HCRTR1: variants seen among roughly 807,000 people sequenced by gnomAD.
HCRTR1 encodes the protein hypocretin receptor 1.
A neutral mutation model predicts 40.6 loss-of-function variants in HCRTR1; 28 were observed. The observed-to-expected ratio is 0.69, with a 90% CI of 0.51 to 0.95. The LOEUF (loss-of-function observed/expected upper bound fraction) is 0.95, where lower values mean the gene tolerates loss of function less well. Ranked by LOEUF, HCRTR1 falls within the 40% of genes least tolerant of loss-of-function variation. The pLI, the probability that HCRTR1 is intolerant of heterozygous loss-of-function variation, is 0.00. For missense variants in HCRTR1, 482 were observed against 564.7 expected (o/e 0.85, Z 1.48); for synonymous variants, 209 against 230.0 (o/e 0.91, Z 0.83).
At chr1:31,633,312 C>A, downstream of HCRTR1, 1 of 1,610,720 alleles carries the variant, frequency 6.2e-7, no homozygotes, top group East Asian at 2.2e-5. Flanking sequence ...GGAGGGGCGC[C>A]ACCTGGAGGA....
downstream of HCRTR1, among the ~76,000 whole-genome samples, chr1:31,632,070 GA>G (rs1226744012): frequency 6.6e-6 from 1 of 152,210 alleles, no homozygotes; most frequent in East Asian, 1.9e-4. Flanking sequence ...CAAAAGTTGG[GA>G]AAGAAACTGT....
In HCRTR1 at chr1:31,617,779, G is replaced by T. The variant is rs1639762379; in HGVS notation, c.-306G>T. On this transcript the variant is annotated 5_prime_UTR_variant, in exon 1 of 9. Transcript: ENST00000403528. ...GGGGCTGCCCCGGCCCCCTCCTGCAGTCCCGGCCCCTAGAGGCTCGGCCTT... is the reference window on the plus strand; with the variant it reads ...GGGGCTGCCCCGGCCCCCTCCTGCATTCCCGGCCCCTAGAGGCTCGGCCTT... 1 of 152,130 alleles carries T rather than the reference G, an allele frequency of 6.6e-6. No homozygotes were observed. Among genetic ancestry groups the T allele is most frequent in the African/African-American group, 2.4e-5 (1 of 41,434 alleles). The allele number at this position is 152,130 out of a possible 1,614,324, so 9.4% of individuals were successfully genotyped here. A position where few individuals can be genotyped will look rare whatever the true frequency, so the allele number is the denominator to read the frequency against.
rs2148607087 is a variant in HCRTR1, at chr1:31,617,853, C to G, written c.-232C>G. The G allele has an allele frequency of 1.3e-5, 2 of 152,262 alleles. No individual in the cohort carries two copies. The highest frequency in any genetic ancestry group is 4.1e-4 in the South Asian group (2 of 4,832). The allele number at this position is 152,262 out of a possible 1,614,324, so 9.4% of individuals were successfully genotyped here. A position where few individuals can be genotyped will look rare whatever the true frequency, so the allele number is the denominator to read the frequency against. ...GGTGCCAGGTCCGGGGACCAGCAGC[C>G]GAGAACGCCCGGGTCCCGGAGCCAA... On this transcript the variant is annotated 5_prime_UTR_variant, in exon 1 of 9. Coordinates refer to ENST00000403528, the MANE Select transcript of HCRTR1 (RefSeq NM_001525.3).
In HCRTR1 at chr1:31,626,865, C is replaced by G. The variant is rs781659400; in HGVS notation, c.1163C>G (p.Ala388Gly). 1.9e-6 allele frequency: 3 copies of G among 1,614,072 alleles called. No homozygotes were observed. The Admixed American group carries it at 5.0e-5, about 27-fold the overall frequency. ...CTGGGTCCCTGCGGCTCTCTGAAGG[C>G]CCCTAGTCCCCGCTCCTCTGCCAGC... ...PGLGPCGSLKAPSPRSSASHK... is the reference protein window; with the variant it reads ...PGLGPCGSLKGPSPRSSASHK... The change falls in exon 9 of 9, where the codon GCC becomes GGC. Residue 388 changes from alanine to glycine, a missense_variant. Coordinates refer to ENST00000403528, the MANE Select transcript of HCRTR1 (RefSeq NM_001525.3). The surrounding 1 kb of genome is among the most constrained non-coding windows in gnomAD (Gnocchi z 4.6).
downstream of HCRTR1, among the ~76,000 whole-genome samples, chr1:31,629,243 ACAGT>A (rs1640033785): frequency 6.6e-6 from 1 of 152,174 alleles, no homozygotes; most frequent in South Asian, 2.1e-4. Context: ...GACCTGCAAA[ACAGT>A]CATAGTTACT....
At chr1:31,630,326 C>A, downstream of HCRTR1, 1 of 446,182 alleles carries the variant, frequency 2.2e-6, no homozygotes, top group Non-Finnish European at 4.2e-6. Flanking sequence ...ATTACAAGGA[C>A]CTGCTCCTGG....
downstream of HCRTR1, chr1:31,633,355 G>A (rs1640168629): frequency 6.4e-7 from 1 of 1,574,206 alleles, no homozygotes; most frequent in Non-Finnish European, 8.6e-7. Context: ...GAAATGCCAG[G>A]AAGGGCCAGC....
At position 31,621,092 on chromosome 1, in the gene HCRTR1, G is replaced by A; in HGVS notation, c.622+6G>A. On this transcript the variant is annotated splice_donor_region_variant and intron_variant, in intron 5 of 8. Coordinates refer to ENST00000403528, the MANE Select transcript of HCRTR1 (RefSeq NM_001525.3). The stretch of plus-strand genomic sequence containing the variant: ...CTGTGATGAACGCTGGGCAGGTAAT[G>A]GTGGAAGCCTCAAGCAGGCATCCCC... The A allele has an allele frequency of 6.3e-7, 1 of 1,598,326 alleles. No individual in the cohort carries two copies. Among genetic ancestry groups the A allele is most frequent in the East Asian group, 2.2e-5 (1 of 44,762 alleles).
chr1:31,624,790 G>A (rs2148611465), intron 7 of HCRTR1, among the ~76,000 whole-genome samples: 1 of 152,314 alleles, frequency 6.6e-6, no homozygotes, highest in Non-Finnish European at 1.5e-5. Flanking sequence ...CAGGAGGCTA[G>A]AGATGCCCAT....
intron 6 of HCRTR1, among the ~76,000 whole-genome samples, chr1:31,623,296 CAAAAAA>C (rs11286118): frequency 2.9e-4 from 38 of 133,288 alleles, no homozygotes; most frequent in Admixed American, 6.0e-4. Flanking sequence ...AATGCCATCT[CAAAAAA>C]AAAAAAAAAA....
At chr1:31,618,397 G>A (rs1639776042) in intron 1 of HCRTR1, among the ~76,000 whole-genome samples, 1 of 152,292 alleles carries the variant, frequency 6.6e-6, no homozygotes. Flanking sequence ...CTCGCAAGGG[G>A]TCGTCAGTCC....
At chr1:31,622,619 C>T (rs1639881370) in intron 6 of HCRTR1, among the ~76,000 whole-genome samples, 1 of 152,200 alleles carries the variant, frequency 6.6e-6, no homozygotes, top group African/African-American at 2.4e-5. Flanking sequence ...GGTCACATAG[C>T]TCACGAATGG....
chr1:31,624,966 C>A, intron 7 of HCRTR1, 31 bp from the exon 8 acceptor site: 1 of 1,566,048 alleles, frequency 6.4e-7, no homozygotes, highest in Non-Finnish European at 8.7e-7. Context: ...GCAGCTACCC[C>A]ATTTCTGACG....
chr1:31,623,177 A>G (rs1274574922), intron 6 of HCRTR1, among the ~76,000 whole-genome samples: 1 of 151,684 alleles, frequency 6.6e-6, no homozygotes, highest in Non-Finnish European at 1.5e-5. Flanking sequence ...AAAAATACAA[A>G]ACTTAGCCCG....
Position 31,626,944 on chromosome 1 carries a change from T to G in HCRTR1, c.1242T>G (p.His414Gln). Reference protein sequence around the residue: ...SRCSISKISEHVVLTSVTTVL... With the variant: ...SRCSISKISEQVVLTSVTTVL... The stretch of plus-strand genomic sequence containing the variant: ...GCTCCATCTCCAAAATCTCTGAGCA[T>G]GTGGTGCTCACCAGCGTCACCACAG... Residue 414 changes from histidine to glutamine, a missense_variant, in exon 9 of 9, where the codon CAT (histidine) becomes CAG (glutamine). His to Gln is a conservative substitution (Grantham distance 24). Transcript: ENST00000403528. The surrounding 1 kb of genome is among the most constrained non-coding windows in gnomAD (Gnocchi z 4.6). 6.2e-7 allele frequency: 1 copy of G among 1,613,400 alleles called. No individual in the cohort carries two copies. Among genetic ancestry groups the G allele is most frequent in the Non-Finnish European group, 8.5e-7 (1 of 1,179,964 alleles).
rs200156592 is a variant in HCRTR1, at chr1:31,626,767, G to T, written c.1088-23G>T. Reference sequence around the variant, plus strand: ...CTGCTGCATCTGTCTCCTTATGGCTGTGTCTTTTGTCTCCCAACCAAGGCA... The same window carrying T: ...CTGCTGCATCTGTCTCCTTATGGCTTTGTCTTTTGTCTCCCAACCAAGGCA... On this transcript the variant is annotated intron_variant, in intron 8 of 8. Coordinates refer to ENST00000403528, the MANE Select transcript of HCRTR1 (RefSeq NM_001525.3). This position sits in a 1 kb window ranked among gnomAD's most constrained non-coding sequence, Gnocchi z 4.6. The T allele has an allele frequency of 6.2e-7, 1 of 1,608,066 alleles. No homozygotes were observed. The highest frequency in any genetic ancestry group is 1.3e-5 in the African/African-American group (1 of 74,734).
At chr1:31,623,774 G>A (rs147846305) in intron 7 of HCRTR1, 25 bp downstream of exon 7, 101 of 1,578,484 alleles carry the variant, frequency 6.4e-5, no homozygotes, top group African/African-American at 6.7e-5. Flanking sequence ...TATGGTTGGG[G>A]TGGGGAGAAG....
intron 4 of HCRTR1, 56 bp from the exon 5 acceptor site, chr1:31,620,787 C>T (rs2148608834): frequency 5.7e-6 from 9 of 1,581,928 alleles, no homozygotes; most frequent in Non-Finnish European, 7.7e-6. Flanking sequence ...CACTCACCTA[C>T]TCTCACATCG....
In HCRTR1 at chr1:31,619,231, C is replaced by A. The variant is rs376159881; in HGVS notation, c.39C>A (p.Val13=). 3 of 1,613,032 alleles carry A rather than the reference C, an allele frequency of 1.9e-6. No individual in the cohort carries two copies. The highest frequency in any genetic ancestry group is 2.2e-5 in the East Asian group (1 of 44,872). The change falls in exon 3 of 9, where the codon GTC becomes GTA. Residue 13 remains valine, a synonymous_variant. Coordinates refer to ENST00000403528, the MANE Select transcript of HCRTR1 (RefSeq NM_001525.3). ...CCACCCCAGGGGCCCAGATGGGGGT[C>A]CCCCCTGGCAGCAGAGAGCCGTCCC... The part of the protein sequence containing the change: ...PSATPGAQMG[V]PPGSREPSPV...
Sources: gnomAD v4.1 joint callset for allele counts (sites outside exome capture counted in the v4.1 genomes callset) on GRCh38, gnomAD v4.1.1 for gene constraint, Gnocchi (gnomAD v3.1) non-coding constraint, MANE v1.5 for transcripts, NCBI Gene and HGNC (gene_info 2026-07-23, HGNC 2026-07-21) for gene names.